Variants in EDNRA observed in about 807,000 individuals in gnomAD.
EDNRA encodes endothelin receptor type A.
Under a neutral mutation model 41.4 loss-of-function variants are expected in EDNRA, and 11 were observed. That is an observed-to-expected ratio of 0.27 (90% confidence interval 0.17 to 0.44). The LOEUF is 0.44. Among genes scored for constraint, EDNRA ranks in the 20% least tolerant of loss-of-function variants. EDNRA has a pLI of 1.00. For missense variants in EDNRA, 294 were observed against 531.0 expected, an observed-to-expected ratio of 0.55 and a Z score of 4.39; for synonymous variants, 172 against 183.0, an observed-to-expected ratio of 0.94 and a Z score of 0.49.
At chr4:147,524,272 G>A (rs1730450502) in intron 3 of EDNRA, among the ~76,000 whole-genome samples, 1 of 152,060 alleles carries the variant, frequency 6.6e-6, no homozygotes, top group Non-Finnish European at 1.5e-5. Context: ...TCCTTGGGGG[G>A]ATCTAGGAGC....
chr4:147,528,634 G>A (rs535441556), intron 3 of EDNRA, among the ~76,000 whole-genome samples: 1 of 152,052 alleles, frequency 6.6e-6, no homozygotes, highest in Admixed American at 6.5e-5. Context: ...GCACCCGGCT[G>A]GGAACTTACA....
intron 7 of EDNRA, among the ~76,000 whole-genome samples, chr4:147,541,811 G>A (rs1731113291): frequency 6.6e-6 from 1 of 152,092 alleles, no homozygotes; most frequent in African/African-American, 2.4e-5. Flanking sequence ...TAACATGCAG[G>A]TTAAAATTAG....
At chr4:147,529,585 T>A (rs1258936569) in intron 3 of EDNRA, among the ~76,000 whole-genome samples, 1 of 152,104 alleles carries the variant, frequency 6.6e-6, no homozygotes, top group African/African-American at 2.4e-5. Context: ...GAAGAAAGCA[T>A]TTCAGAGAGG....
rs960577079 is a variant in EDNRA at position 147,509,643 on chromosome 4, TCAG to T, written c.421-10199_421-10197del. Among the ~76,000 whole-genome samples, 95 of 152,226 alleles carry T rather than the reference TCAG, an allele frequency of 6.2e-4. 1 individual carries two copies. The Middle Eastern group carries it at 0.024, about 38-fold the overall frequency. On this transcript the variant is annotated intron_variant, in intron 2 of 7. Coordinates refer to ENST00000651419, the MANE Select transcript of EDNRA (RefSeq NM_001957.4). ...CTCATGAGCTTTGCCTCCTGTCAGA[TCAG>T]CAGCAGCATCAGATTCTCAAAGGAG... is the stretch of plus-strand genomic sequence containing the variant.
chr4:147,529,306 G>A (rs187156052), intron 3 of EDNRA, among the ~76,000 whole-genome samples: 2 of 152,236 alleles, frequency 1.3e-5, no homozygotes, highest in Admixed American at 1.3e-4. Flanking sequence ...GCAGTTGGAG[G>A]TACAAGTCTA....
rs199698388 is a variant in EDNRA, at chr4:147,519,962, G to A, written c.532G>A (p.Ala178Thr). The change falls in exon 3 of 8, where the codon GCT (alanine) becomes ACT (threonine). Residue 178 changes from alanine to threonine, a missense_variant. By Grantham distance (58) the Ala-to-Thr change is moderately conservative (BLOSUM62 0). Around this residue, in one of 3 missense-constraint regions of EDNRA, gnomAD observed 185 missense variants for 390.8 expected, o/e 0.47. Transcript: ENST00000651419. The surrounding 1 kb of genome is among the most constrained non-coding windows in gnomAD (Gnocchi z 4.1). ...GGGGATCACCGTCCTCAACCTCTGCGCTCTTAGTGTTGACAGGTAATGTGG... is the reference window on the plus strand; with the variant it reads ...GGGGATCACCGTCCTCAACCTCTGCACTCTTAGTGTTGACAGGTAATGTGG... ...SVGITVLNLCALSVDRYRAVA... is the reference protein window; with the variant it reads ...SVGITVLNLCTLSVDRYRAVA... The A allele has an allele frequency of 8.7e-6, 14 of 1,611,440 alleles. No homozygotes were observed. Among genetic ancestry groups the A allele is most frequent in the Non-Finnish European group, 1.1e-5 (13 of 1,178,500 alleles).
At chr4:147,500,781 C>A (rs866895275) in intron 2 of EDNRA, among the ~76,000 whole-genome samples, 12 of 151,882 alleles carry the variant, frequency 7.9e-5, no homozygotes, top group Admixed American at 3.3e-4. Context: ...AGTGGAGACC[C>A]ATCCTTAGGG....
chr4:147,536,013 G>A lies in EDNRA; in HGVS notation c.884G>A (p.Ser295Asn). The change falls in exon 5 of 8, where the codon AGT becomes AAT. Residue 295 changes from serine (S) to asparagine (N), a missense_variant. Coordinates refer to ENST00000651419, the MANE Select transcript of EDNRA (RefSeq NM_001957.4). ...RRNGSLRIAL[S>N]EHLKQRREVA... ...AATGGCAGCTTGAGAATTGCCCTCA[G>A]TGAACATCTTAAGCAGGTAAATCCC... 1 of 1,613,980 alleles carries A rather than the reference G, an allele frequency of 6.2e-7. No individual in the cohort carries two copies. Among genetic ancestry groups the A allele is most frequent in the South Asian group, 1.1e-5 (1 of 91,076 alleles).
intron 1 of EDNRA, among the ~76,000 whole-genome samples, chr4:147,483,141 G>A (rs1239593560): frequency 6.6e-6 from 1 of 152,168 alleles, no homozygotes; most frequent in Non-Finnish European, 1.5e-5. Context: ...TCATTTCATA[G>A]GTCTATCAAT....
intron 7 of EDNRA, among the ~76,000 whole-genome samples, chr4:147,540,972 C>T (rs1290402944): frequency 6.7e-6 from 1 of 149,018 alleles, no homozygotes; most frequent in Non-Finnish European, 1.5e-5. Context: ...GTCCCAGCTA[C>T]TCGGAGAATG....
rs758897787 is a variant in EDNRA at position 147,540,411 on chromosome 4, T to C, written c.1069T>C (p.Leu357=). ...GCTCATGGATTACATCGGTATTAAC[T>C]TGGCAACCATGAATTCATGTATAAA... ...LLLMDYIGIN[L]ATMNSCINPI... is the part of the protein sequence containing the mutation. Residue 357 remains leucine (L), a synonymous_variant, in exon 7 of 8, where the codon TTG becomes CTG. Coordinates refer to ENST00000651419, the MANE Select transcript of EDNRA (RefSeq NM_001957.4). The C allele has an allele frequency of 6.2e-7, 1 of 1,613,696 alleles. No individual in the cohort carries two copies.
chr4:147,542,457 C>T (rs569467994), intron 7 of EDNRA, 21 bp from the exon 8 acceptor site: 24 of 1,613,768 alleles, frequency 1.5e-5, no homozygotes, highest in East Asian at 6.7e-5. Context: ...CGCCTTACTT[C>T]GAGTCTGTTC....
Position 147,505,850 on chromosome 4 carries a change from G to A in EDNRA, c.421-14001G>A, listed in dbSNP as rs368660791. On this transcript the variant is annotated intron_variant, in intron 2 of 7. Coordinates refer to ENST00000651419, the MANE Select transcript of EDNRA (RefSeq NM_001957.4). ...TTCTTAGTAGAGACGGGGTTTCACC[G>A]TGTCAGCCAGGATGGTCTCAATCTC... Among the ~76,000 whole-genome samples, 142 of 151,894 alleles carry A rather than the reference G, an allele frequency of 9.3e-4. 6 individuals are homozygous for A. The South Asian group carries it at 0.028, about 30-fold the overall frequency.
At chr4:147,499,298 C>T (rs545047557) in intron 2 of EDNRA, among the ~76,000 whole-genome samples, 1 of 152,302 alleles carries the variant, frequency 6.6e-6, no homozygotes, top group East Asian at 1.9e-4. Context: ...TCAAGTGATC[C>T]TCCTTCCTCT....
chr4:147,524,378 C>G lies in EDNRA; in HGVS notation c.548+4400C>G, dbSNP rs956603042. ...TATATCTAGTGTCGGGTCACCTCACCCAATACCACCTCCTCTCTTCATCTC... is the reference window on the plus strand; with the variant it reads ...TATATCTAGTGTCGGGTCACCTCACGCAATACCACCTCCTCTCTTCATCTC... On this transcript the variant is annotated intron_variant, in intron 3 of 7. Transcript: ENST00000651419. Among the ~76,000 whole-genome samples, 19 of 151,956 alleles carry G rather than the reference C, an allele frequency of 1.3e-4. No individual in the cohort carries two copies. The East Asian group carries it at 3.7e-3, about 29-fold the overall frequency.
At position 147,485,848 on chromosome 4, in the gene EDNRA, A is replaced by C. The variant is rs1371380159; in HGVS notation, c.167A>C (p.Asn56Thr). ...SFLVTTHQPT[N>T]LVLPSNGSMH... The stretch of plus-strand genomic sequence containing the variant: ...CTGGTTACCACTCATCAACCCACTA[A>C]TTTGGTCCTACCCAGCAATGGCTCA... Residue 56 changes from asparagine to threonine, a missense_variant, in exon 2 of 8, where the codon AAT becomes ACT. Around this residue, in one of 3 missense-constraint regions of EDNRA, gnomAD observed 90 missense variants for 122.8 expected, o/e 0.73. Transcript: ENST00000651419. 6.2e-7 allele frequency: 1 copy of C among 1,614,106 alleles called. No homozygotes were observed. The highest frequency in any genetic ancestry group is 8.5e-7 in the Non-Finnish European group (1 of 1,180,044).
chr4:147,494,842 T>A (rs776475679), intron 2 of EDNRA: 1 of 152,166 alleles, frequency 6.6e-6, no homozygotes, highest in Non-Finnish European at 1.5e-5. Flanking sequence ...ATGAGTGACA[T>A]GAACTTGTTT....
At chr4:147,514,172 C>A (rs1200157924) in intron 2 of EDNRA, among the ~76,000 whole-genome samples, 2 of 152,120 alleles carry the variant, frequency 1.3e-5, no homozygotes, top group Non-Finnish European at 2.9e-5. Flanking sequence ...ATGAGAACTA[C>A]CCCCATTTAA....
At position 147,539,908 on chromosome 4, in the gene EDNRA, CTG is replaced by C. The variant is rs1231420300; in HGVS notation, c.996_997del (p.Tyr333Ter). The C allele has an allele frequency of 1.2e-6, 2 of 1,613,214 alleles. No homozygotes were observed. Among genetic ancestry groups the C allele is most frequent in the Non-Finnish European group, 1.7e-6 (2 of 1,179,858 alleles). On this transcript the variant is annotated frameshift_variant, in exon 6 of 8. Coordinates refer to ENST00000651419, the MANE Select transcript of EDNRA (RefSeq NM_001957.4). LOFTEE classifies it high-confidence loss of function. ...CATTTAAGCCGTATATTGAAGAAAA[CTG>C]TGTATAACGAGATGGACAAGAACCG...
Sources: gnomAD v4.1 joint callset for allele counts (sites outside exome capture counted in the v4.1 genomes callset) on GRCh38, gnomAD v4.1.1 for gene constraint, gnomAD v4.1.1 regional missense constraint, Gnocchi (gnomAD v3.1) non-coding constraint, MANE v1.5 for transcripts, NCBI Gene and HGNC (gene_info 2026-07-23, HGNC 2026-07-21) for gene names.